Variants in CALN1 observed in about 807,000 individuals in gnomAD.
CALN1 encodes calneuron 1, also known as calcium-binding protein 8.
In CALN1, 17 loss-of-function variants were observed where a neutral mutation model predicts 30.6. That is an observed-to-expected ratio of 0.56 (90% CI 0.38 to 0.83). The LOEUF is 0.83. CALN1 is among the 40% of genes least tolerant of loss of function. CALN1 has a pLI of 0.00. For missense variants in CALN1, 291 were observed against 354.9 expected (o/e 0.82, Z 1.45); for synonymous variants, 156 against 131.4 (o/e 1.19, Z -1.28).
intron 5 of CALN1, among the ~76,000 whole-genome samples, chr7:71,922,296 A>G (rs1343775684): frequency 6.6e-6 from 1 of 152,124 alleles, no homozygotes; most frequent in Non-Finnish European, 1.5e-5. Context: ...ATGTGCCTGT[A>G]TACATTGAGC....
At chr7:72,469,026 A>G in the CALN1 span, among the ~76,000 whole-genome samples, 1 of 152,162 alleles carries the variant, frequency 6.6e-6, no homozygotes, top group Admixed American at 6.6e-5. Flanking sequence ...TTCCTTGACA[A>G]TGACCTTCAA....
In CALN1 at chr7:72,356,722, G is replaced by T. The variant is rs576241595; in HGVS notation, c.119+46529C>A. Among the ~76,000 whole-genome samples, 19 of 152,040 alleles carry T rather than the reference G, an allele frequency of 1.2e-4. No homozygotes were observed. In the South Asian group the frequency reaches 2.7e-3, roughly 22 times the overall value. On this transcript the variant is annotated intron_variant, in intron 2 of 6. Transcript: ENST00000395275. ...TTATTAGCTCAATCTGATTGACATA[G>T]TAAATAATCAAAGAACTAGAAGAAC... is the stretch of plus-strand genomic sequence containing the variant.
intron 5 of CALN1, among the ~76,000 whole-genome samples, chr7:71,865,181 TGG>T (rs1290335496): frequency 6.6e-6 from 1 of 152,052 alleles, no homozygotes; most frequent in Non-Finnish European, 1.5e-5. Context: ...GTGTCGGAGG[TGG>T]GGTCTGGAGG....
chr7:72,058,151 A>C (rs1445315705), intron 4 of CALN1, among the ~76,000 whole-genome samples: 1 of 152,052 alleles, frequency 6.6e-6, no homozygotes, highest in South Asian at 2.1e-4. Context: ...CGCCACGTTA[A>C]ACACCTACAC....
At chr7:72,402,201 A>G (rs1258447095) in intron 2 of CALN1, among the ~76,000 whole-genome samples, 1 of 152,296 alleles carries the variant, frequency 6.6e-6, no homozygotes, top group South Asian at 2.1e-4. Context: ...CAGGGGTCTC[A>G]TCAGCTCCTG....
intron 3 of CALN1, among the ~76,000 whole-genome samples, chr7:72,256,603 TA>T (rs1048818553): frequency 4.4e-5 from 3 of 68,282 alleles, no homozygotes; most frequent in Non-Finnish European, 7.5e-5. Context: ...TTCAATCAAT[TA>T]TTTTTTTTTC....
intron 4 of CALN1, among the ~76,000 whole-genome samples, chr7:72,091,047 G>A (rs1163086156): frequency 6.6e-6 from 1 of 152,154 alleles, no homozygotes; most frequent in Non-Finnish European, 1.5e-5. Flanking sequence ...TAATTTACTG[G>A]CAGGGCGCGG....
chr7:72,018,451 ACTG>A (rs1800524080), intron 5 of CALN1, among the ~76,000 whole-genome samples: 1 of 152,018 alleles, frequency 6.6e-6, no homozygotes, highest in Non-Finnish European at 1.5e-5. Context: ...CAAATATACC[ACTG>A]CAGTAACAAA....
chr7:72,141,286 T>C (rs990666382), intron 3 of CALN1, among the ~76,000 whole-genome samples: 1 of 151,550 alleles, frequency 6.6e-6, no homozygotes, highest in African/African-American at 2.4e-5. Context: ...GGCATGATCC[T>C]GTCTTAAAAA....
chr7:72,388,330 G>A (rs927715746), intron 2 of CALN1, among the ~76,000 whole-genome samples: 1 of 151,976 alleles, frequency 6.6e-6, no homozygotes, highest in Non-Finnish European at 1.5e-5. Flanking sequence ...TGTCCTGCCT[G>A]GACATGGTCT....
rs1340082399 is a variant in CALN1 at position 71,779,864 on chromosome 7, T to A, written c.*7911A>T. 6.6e-6 allele frequency: 1 copy of A among 152,182 alleles called. No homozygotes were observed. The highest frequency in any genetic ancestry group is 1.9e-4 in the East Asian group (1 of 5,188). 9.4% of individuals were successfully genotyped at this position (152,182 alleles called of 1,614,324 possible). Reference sequence around the variant, plus strand: ...CCGTCTTAGTGGCTTATTCTGGATATGAGAGCTGCCAAGCTCCAATCGTCC... The same window carrying A: ...CCGTCTTAGTGGCTTATTCTGGATAAGAGAGCTGCCAAGCTCCAATCGTCC... On this transcript the variant is annotated 3_prime_UTR_variant, in exon 7 of 7. Transcript: ENST00000395275.
chr7:71,820,557 G>A (rs981491390), intron 5 of CALN1, among the ~76,000 whole-genome samples: 1 of 152,182 alleles, frequency 6.6e-6, no homozygotes, highest in South Asian at 2.1e-4. Context: ...ACATAAAGTA[G>A]AAGCAGCCCA....
chr7:72,472,806 G>T, the CALN1 span, among the ~76,000 whole-genome samples: 1 of 152,042 alleles, frequency 6.6e-6, no homozygotes, highest in Admixed American at 6.6e-5. Context: ...AGAAAGGTGT[G>T]TCACTCAGCC....
chr7:71,920,246 G>C (rs540301371), intron 5 of CALN1, among the ~76,000 whole-genome samples: 175 of 151,988 alleles, frequency 1.2e-3, no homozygotes, highest in African/African-American at 4.0e-3. Flanking sequence ...AGTTTATGAA[G>C]GCACAGGCTT....
At chr7:72,251,150 C>T (rs1319679943) in intron 3 of CALN1, among the ~76,000 whole-genome samples, 2 of 152,150 alleles carry the variant, frequency 1.3e-5, no homozygotes, top group African/African-American at 4.8e-5. Flanking sequence ...GTACCCTAAG[C>T]CCTCAGACCT....
Position 71,889,132 on chromosome 7 carries a change from A to T in CALN1, c.502-78640T>A, listed in dbSNP as rs566369217. 1.7e-4 allele frequency among the ~76,000 whole-genome samples: 26 copies of T among 152,308 alleles called. No individual in the cohort carries two copies. The South Asian group carries it at 4.8e-3, about 28-fold the overall frequency. On this transcript the variant is annotated intron_variant, in intron 5 of 6. Coordinates refer to ENST00000395275, the MANE Select transcript of CALN1 (RefSeq NM_031468.4). Reference sequence around the variant, plus strand: ...GGTGTCTTAGTTCCTTCTGGCTGCTACAACAAAATATCATAAACTGGGTAG... The same window carrying T: ...GGTGTCTTAGTTCCTTCTGGCTGCTTCAACAAAATATCATAAACTGGGTAG...
At chr7:72,310,480 C>T (rs781344316) in intron 2 of CALN1, among the ~76,000 whole-genome samples, 6 of 151,434 alleles carry the variant, frequency 4.0e-5, no homozygotes, top group Admixed American at 6.6e-5. Flanking sequence ...GGAATCTTGG[C>T]TTCTGTGGTT....
intron 5 of CALN1, among the ~76,000 whole-genome samples, chr7:71,966,872 T>G (rs940396600): frequency 6.6e-6 from 1 of 152,194 alleles, no homozygotes; most frequent in Non-Finnish European, 1.5e-5. Flanking sequence ...CTTTGTAAGT[T>G]GTAAATCCCC....
intron 4 of CALN1, among the ~76,000 whole-genome samples, chr7:72,099,689 C>A (rs1029580504): frequency 3.3e-5 from 5 of 152,050 alleles, no homozygotes; most frequent in Non-Finnish European, 7.4e-5. Flanking sequence ...ATACCCGTAG[C>A]CTACACTGAT....
Sources: gnomAD v4.1 joint callset for allele counts (sites outside exome capture counted in the v4.1 genomes callset) on GRCh38, gnomAD v4.1.1 for gene constraint, MANE v1.5 for transcripts, NCBI Gene and HGNC (gene_info 2026-07-23, HGNC 2026-07-21) for gene names.